The following RAD23A variants were observed in gnomAD, a reference collection of about 807,000 sequenced individuals.
RAD23A encodes the protein lysine-specific demethylase RAD23A.
RAD23A carries 16 observed loss-of-function variants against 44.8 expected under a neutral mutation model. The observed-to-expected ratio is 0.36, with a 90% CI of 0.24 to 0.54. The LOEUF is 0.54. Among genes scored for constraint, RAD23A ranks in the 20% least tolerant of loss-of-function variants. The probability of loss-of-function intolerance (pLI) is 0.89; values close to 1 mark genes in which losing one functional copy is unlikely to be tolerated. For missense variants in RAD23A, 380 were observed against 483.3 expected (o/e 0.79, Z 2.00); for synonymous variants, 217 against 202.9 (o/e 1.07, Z -0.59).
In RAD23A at chr19:12,945,934, C is replaced by T; in HGVS notation, c.-15C>T. The T allele has an allele frequency of 2.5e-6, 4 of 1,606,514 alleles. No homozygotes were observed. The highest frequency in any genetic ancestry group is 4.5e-5 in the East Asian group (2 of 44,116). ...TGTGAGGATCCCGGGGCCGCCGCGT[C>T]GCTCGGGCCCCGCCATGGCCGTCAC... On this transcript the variant is annotated 5_prime_UTR_variant, in exon 1 of 9. Transcript: ENST00000586534.
Position 12,948,481 on chromosome 19 carries a change from T to A in RAD23A, c.417-16T>A, listed in dbSNP as rs747580370. 1 of 1,572,052 alleles carries A rather than the reference T, an allele frequency of 6.4e-7. No homozygotes were observed. Among genetic ancestry groups the A allele is most frequent in the Non-Finnish European group, 8.6e-7 (1 of 1,159,902 alleles). ...GCCAGAAGCCAGGGTCCGATTTCTC[T>A]CTCTTGAATTTGCAGCTCTGTTCCC... is the stretch of plus-strand genomic sequence containing the variant. On this transcript the variant is annotated splice_polypyrimidine_tract_variant and intron_variant, in intron 3 of 8. Coordinates refer to ENST00000586534, the MANE Select transcript of RAD23A (RefSeq NM_005053.4). This position sits in a 1 kb window ranked among gnomAD's most constrained non-coding sequence, Gnocchi z 5.5.
At position 12,946,031 on chromosome 19, in the gene RAD23A, G is replaced by C; in HGVS notation, c.72+11G>C. The C allele has an allele frequency of 1.3e-6, 2 of 1,593,384 alleles. No individual in the cohort carries two copies. The highest frequency in any genetic ancestry group is 8.5e-7 in the Non-Finnish European group (1 of 1,172,750). On this transcript the variant is annotated intron_variant, in intron 1 of 8. Transcript: ENST00000586534. ...GAGCCTGACGAGACGGTGCGGGCCG[G>C]GCCGGAGCCCGGGGGCGGGAGCGAC...
chr19:12,948,298 G>C lies in RAD23A; in HGVS notation c.356G>C (p.Arg119Thr), dbSNP rs751822670. 9.9e-6 allele frequency: 16 copies of C among 1,612,908 alleles called. No homozygotes were observed. Among genetic ancestry groups the C allele is most frequent in the Non-Finnish European group, 1.3e-5 (15 of 1,179,548 alleles). Residue 119 changes from arginine to threonine, a missense_variant, in exon 3 of 9, where the codon AGA becomes ACA. By Grantham distance (71) the Arg-to-Thr change is moderately conservative. Around this residue, in one of 3 missense-constraint regions of RAD23A, gnomAD observed 279 missense variants for 313.7 expected, o/e 0.89. Coordinates refer to ENST00000586534, the MANE Select transcript of RAD23A (RefSeq NM_005053.4). The surrounding 1 kb of genome is among the most constrained non-coding windows in gnomAD (Gnocchi z 5.5). Reference protein sequence around the residue: ...SGMSHPPPAAREDKSPSEESA... With the variant: ...SGMSHPPPAATEDKSPSEESA... ...ATGTCCCATCCCCCACCTGCCGCCA[G>C]AGAGGACAAGAGCCCATCAGAGGAA...
In RAD23A at chr19:12,948,193, G is replaced by T; in HGVS notation, c.251G>T (p.Gly84Val). ...CTGTTGCAGACCAAAGCCGGCCAGG[G>T]TACCTCAGCACCCCCAGAGGCCTCA... ...VMVTKTKAGQ[G>V]TSAPPEASPT... Residue 84 changes from glycine to valine, a missense_variant, in exon 3 of 9, where the codon GGT becomes GTT. Gly to Val is a moderately radical substitution (Grantham distance 109). Around this residue, in one of 3 missense-constraint regions of RAD23A, gnomAD observed 279 missense variants for 313.7 expected, o/e 0.89. Coordinates refer to ENST00000586534, the MANE Select transcript of RAD23A (RefSeq NM_005053.4). This position sits in a 1 kb window ranked among gnomAD's most constrained non-coding sequence, Gnocchi z 5.5. The T allele has an allele frequency of 3.7e-6, 6 of 1,614,076 alleles. No individual in the cohort carries two copies. The highest frequency in any genetic ancestry group is 5.1e-6 in the Non-Finnish European group (6 of 1,179,992).
rs759402218 is a variant in RAD23A at position 12,952,790 on chromosome 19, A to C, written c.915A>C (p.Gly305=). The change falls in exon 8 of 9, where the codon GGA becomes GGC. Residue 305 remains glycine (G), a synonymous_variant. Coordinates refer to ENST00000586534, the MANE Select transcript of RAD23A (RefSeq NM_005053.4). ...TGGAGGGGGAGGTGGGCGCCATAGG[A>C]GAGGAGGCCCCGCAGATGAACTACA... ...SDVEGEVGAI[G]EEAPQMNYIQ... 1 of 1,612,640 alleles carries C rather than the reference A, an allele frequency of 6.2e-7. No individual in the cohort carries two copies. Among genetic ancestry groups the C allele is most frequent in the South Asian group, 1.1e-5 (1 of 90,936 alleles).
At position 12,948,138 on chromosome 19, in the gene RAD23A, G is replaced by T; in HGVS notation, c.235-39G>T. ...GCGGAGCGGGTTGTTGGGTCTGATA[G>T]GGTTGCTGATGCCAGCTCCCTTTTT... On this transcript the variant is annotated intron_variant, in intron 2 of 8. Coordinates refer to ENST00000586534, the MANE Select transcript of RAD23A (RefSeq NM_005053.4). This position sits in a 1 kb window ranked among gnomAD's most constrained non-coding sequence, Gnocchi z 5.5. The T allele has an allele frequency of 1.2e-6, 2 of 1,613,124 alleles. No homozygotes were observed. The highest frequency in any genetic ancestry group is 1.7e-6 in the Non-Finnish European group (2 of 1,179,380).
intron 1 of RAD23A, 54 bp downstream of exon 1, chr19:12,946,074 T>TGGGGGGGGGTTGGGGGGGGGGGGGG: frequency 3.0e-5 from 4 of 131,732 alleles, no homozygotes; most frequent in Non-Finnish European, 4.1e-5. Context: ...GGGGGTGGGG[T>TGGGGGGGGGTTGGGGGGGGGGGGGG]GGGGGCGGGG....
chr19:12,948,636 G>C lies in RAD23A; in HGVS notation c.473-50G>C, dbSNP rs45604337. Reference sequence around the variant, plus strand: ...TGTCTGGGTGCGGGAGGGCCTGGGAGCTGCCCTTTCCTCTTCCTGGTGACC... The same window carrying C: ...TGTCTGGGTGCGGGAGGGCCTGGGACCTGCCCTTTCCTCTTCCTGGTGACC... On this transcript the variant is annotated intron_variant, in intron 4 of 8. Coordinates refer to ENST00000586534, the MANE Select transcript of RAD23A (RefSeq NM_005053.4). The surrounding 1 kb of genome is among the most constrained non-coding windows in gnomAD (Gnocchi z 5.5). The C allele has an allele frequency of 2.5e-3, 3,971 of 1,591,644 alleles. 78 individuals are homozygous for C. In the African/African-American group the frequency reaches 0.046, roughly 18 times the overall value.
chr19:12,947,744 G>T, intron 1 of RAD23A, 104 bp from the exon 2 acceptor site: 1 of 1,127,690 alleles, frequency 8.9e-7, no homozygotes, highest in Non-Finnish European at 1.3e-6. Context: ...AAAACCCAGC[G>T]TGCTTGCCTT....
At chr19:12,946,074 T>TGGGGGGGGTGGGGGGGGGGGGGGG in intron 1 of RAD23A, 54 bp downstream of exon 1, 1 of 131,764 alleles carries the variant, frequency 7.6e-6, no homozygotes, top group Non-Finnish European at 1.4e-5. Context: ...GGGGGTGGGG[T>TGGGGGGGGTGGGGGGGGGGGGGGG]GGGGGCGGGG....
Position 12,948,930 on chromosome 19 carries a change from A to G in RAD23A, c.600+117A>G. On this transcript the variant is annotated intron_variant, in intron 5 of 8. Coordinates refer to ENST00000586534, the MANE Select transcript of RAD23A (RefSeq NM_005053.4). The surrounding 1 kb of genome is among the most constrained non-coding windows in gnomAD (Gnocchi z 5.5). ...TGAAAAGCCTTTGGGTAGTGATTCT[A>G]GCCACTAAAGGCTTCCCACAGGAGG... is the stretch of plus-strand genomic sequence containing the variant. The G allele has an allele frequency of 6.5e-7, 1 of 1,541,050 alleles. No individual in the cohort carries two copies. Among genetic ancestry groups the G allele is most frequent in the East Asian group, 2.3e-5 (1 of 43,884 alleles).
At position 12,949,127 on chromosome 19, in the gene RAD23A, G is replaced by C; in HGVS notation, c.647G>C (p.Ser216Thr). 6.2e-7 allele frequency: 1 copy of C among 1,613,942 alleles called. No individual in the cohort carries two copies. The highest frequency in any genetic ancestry group is 8.5e-7 in the Non-Finnish European group (1 of 1,179,914). The stretch of plus-strand genomic sequence containing the variant: ...CCGGAACACGGTTCTGTCCAGGAGA[G>C]CCAGGTATCGGAGCAGCCGGCCACG... ...PEPEHGSVQE[S>T]QVSEQPATEA... Residue 216 changes from serine to threonine, a missense_variant, in exon 6 of 9, where the codon AGC becomes ACC. Transcript: ENST00000586534.
chr19:12,952,430 G>C, intron 7 of RAD23A: 1 of 397,590 alleles, frequency 2.5e-6, no homozygotes, highest in Non-Finnish European at 4.5e-6. Flanking sequence ...GACCTCAAGT[G>C]ATCCACCTGC....
intron 7 of RAD23A, among the ~76,000 whole-genome samples, chr19:12,950,189 C>T (rs996258864): frequency 1.3e-5 from 2 of 152,078 alleles, no homozygotes; most frequent in African/African-American, 4.8e-5. Context: ...TAGAACAGAC[C>T]TCCCCAGTCC....
chr19:12,951,421 C>T (rs1394757127), intron 7 of RAD23A, among the ~76,000 whole-genome samples: 7 of 152,020 alleles, frequency 4.6e-5, no homozygotes, highest in South Asian at 2.1e-4. Context: ...TTCCCTTGTT[C>T]GCTGTTTTTT....
chr19:12,949,201 T>G (rs1484398662), intron 6 of RAD23A, 42 bp downstream of exon 6: 1 of 1,614,058 alleles, frequency 6.2e-7, no homozygotes. Flanking sequence ...GGTACCTGAC[T>G]CACATTACAC....
Position 12,948,919 on chromosome 19 carries a change from G to T in RAD23A, c.600+106G>T, listed in dbSNP as rs1971734970. ...AAAACCTGCCCTGAAAAGCCTTTGG[G>T]TAGTGATTCTAGCCACTAAAGGCTT... On this transcript the variant is annotated intron_variant, in intron 5 of 8. Transcript: ENST00000586534. The surrounding 1 kb of genome is among the most constrained non-coding windows in gnomAD (Gnocchi z 5.5). 1.4e-5 allele frequency: 21 copies of T among 1,544,968 alleles called. No individual in the cohort carries two copies. Among genetic ancestry groups the T allele is most frequent in the Non-Finnish European group, 1.7e-5 (19 of 1,138,914 alleles).
intron 1 of RAD23A, 71 bp downstream of exon 1, chr19:12,946,091 G>C (rs1599665511): frequency 7.6e-7 from 1 of 1,311,602 alleles, no homozygotes; most frequent in South Asian, 1.3e-5. Flanking sequence ...GGGGAGGCTA[G>C]AATCCCAACG....
In RAD23A at chr19:12,946,032, G is replaced by GC; in HGVS notation, c.72+14dup. ...AGCCTGACGAGACGGTGCGGGCCGG[G>GC]CCGGAGCCCGGGGGCGGGAGCGACG... is the stretch of plus-strand genomic sequence containing the variant. On this transcript the variant is annotated intron_variant, in intron 1 of 8. Transcript: ENST00000586534. 15 of 1,570,184 alleles carry GC rather than the reference G, an allele frequency of 9.6e-6. No individual in the cohort carries two copies. Among genetic ancestry groups the GC allele is most frequent in the Non-Finnish European group, 1.2e-5 (14 of 1,159,404 alleles).
Sources: allele counts gnomAD v4.1 joint callset (sites outside exome capture counted in the v4.1 genomes callset), GRCh38; gene constraint gnomAD v4.1.1; regional missense constraint gnomAD v4.1.1; non-coding constraint Gnocchi (gnomAD v3.1); transcripts MANE v1.5; gene names NCBI Gene and HGNC (gene_info 2026-07-23, HGNC 2026-07-21).